The following TENM2 variants were observed in gnomAD, a reference collection of about 807,000 sequenced individuals.
TENM2 encodes teneurin transmembrane protein 2.
In TENM2, 52 loss-of-function variants were observed where a neutral mutation model predicts 245.2. The observed-to-expected ratio is 0.21, with a 90% CI of 0.17 to 0.27. The LOEUF (loss-of-function observed/expected upper bound fraction) is 0.27. Among genes scored for constraint, TENM2 ranks in the 10% least tolerant of loss-of-function variants. The pLI is 1.00. For synonymous variants in TENM2, 1,363 were observed against 1,438.9 expected, an observed-to-expected ratio of 0.95 and a Z score of 1.19; for missense variants, 3,046 against 3,666.8, an observed-to-expected ratio of 0.83 and a Z score of 4.37.
chr5:167,084,355 A>ATATATATATATATATG, the TENM2 span, among the ~76,000 whole-genome samples: 949 of 109,318 alleles, frequency 8.7e-3, 49 homozygotes, highest in African/African-American at 0.031. Context: ...ATATATATAT[A>ATATATATATATATATG]TATATATATA....
chr5:167,401,020 G>A (rs992647931), intron 2 of TENM2, among the ~76,000 whole-genome samples: 5 of 152,028 alleles, frequency 3.3e-5, no homozygotes, highest in Non-Finnish European at 5.9e-5. Context: ...GAGCCCAGGA[G>A]GTTGAGGCTG....
chr5:167,646,200 C>CATATATATATATATATATAT (rs61476810), intron 2 of TENM2, among the ~76,000 whole-genome samples: 15 of 63,414 alleles, frequency 2.4e-4, no homozygotes, highest in Non-Finnish European at 3.1e-4. Flanking sequence ...ATGTTGTTTT[C>CATATATATATATATATATAT]ATATATATAT....
At chr5:167,666,380 A>C (rs1025311738) in intron 2 of TENM2, among the ~76,000 whole-genome samples, 1 of 152,202 alleles carries the variant, frequency 6.6e-6, no homozygotes, top group African/African-American at 2.4e-5. Context: ...AAAATTGGGA[A>C]TAGTTTTTCA....
At chr5:167,294,487 G>C (rs1055103238) in intron 1 of TENM2, among the ~76,000 whole-genome samples, 1 of 152,132 alleles carries the variant, frequency 6.6e-6, no homozygotes, top group Non-Finnish European at 1.5e-5. Flanking sequence ...AGAAAATCCT[G>C]TGAAACAAGT....
intron 2 of TENM2, among the ~76,000 whole-genome samples, chr5:167,714,808 T>TG (rs1180324321): frequency 1.3e-5 from 2 of 152,152 alleles, no homozygotes; most frequent in Non-Finnish European, 1.5e-5. Flanking sequence ...TCATTACCAC[T>TG]GGGGCTATCT....
rs546480463 is a variant in TENM2 at position 167,919,957 on chromosome 5, G to A, written c.713-32631G>A. ...ACATTCTTTTTTTTGGACGAGAAAA[G>A]GCAAGTGTGGTAGAAGTAAGAGGAC... On this transcript the variant is annotated intron_variant, in intron 3 of 28. Transcript: ENST00000518659. Among the ~76,000 whole-genome samples the A allele has an allele frequency of 2.4e-4, 37 of 152,262 alleles. 1 individual carries two copies. In the South Asian group the frequency reaches 7.0e-3, roughly 29 times the overall value.
chr5:167,366,136 T>G (rs1760039664), intron 1 of TENM2, among the ~76,000 whole-genome samples: 1 of 151,948 alleles, frequency 6.6e-6, no homozygotes, highest in Admixed American at 6.6e-5. Context: ...ACCAATTCAG[T>G]TAAGAAAAAG....
At chr5:167,892,989 C>A (rs1044571684) in intron 3 of TENM2, among the ~76,000 whole-genome samples, 4 of 152,162 alleles carry the variant, frequency 2.6e-5, no homozygotes, top group Non-Finnish European at 5.9e-5. Flanking sequence ...GAACTCAGAA[C>A]CTTTGTCCTG....
At chr5:167,752,647 A>C (rs1582914804) in intron 2 of TENM2, among the ~76,000 whole-genome samples, 1 of 152,320 alleles carries the variant, frequency 6.6e-6, no homozygotes, top group African/African-American at 2.4e-5. Context: ...GTTGGGAGTC[A>C]TTGGGAATAT....
At chr5:167,952,155 TAG>T (rs1780164570) in intron 3 of TENM2, among the ~76,000 whole-genome samples, 1 of 152,122 alleles carries the variant, frequency 6.6e-6, no homozygotes, top group Non-Finnish European at 1.5e-5. Flanking sequence ...TTCCCTGACT[TAG>T]AGTGTTCCAT....
At chr5:168,126,204 G>A (rs930460250) in intron 11 of TENM2, among the ~76,000 whole-genome samples, 2 of 152,210 alleles carry the variant, frequency 1.3e-5, no homozygotes, top group Admixed American at 6.5e-5. Flanking sequence ...GGTATCTGCA[G>A]TCATCATGGG....
intron 2 of TENM2, among the ~76,000 whole-genome samples, chr5:167,555,096 CACACACATGCAT>C (rs1773184711): frequency 6.6e-6 from 1 of 152,188 alleles, no homozygotes; most frequent in African/African-American, 2.4e-5. Context: ...TGCACGCACA[CACACACATGCAT>C]ACACACATGC....
chr5:167,101,849 T>TTATATTTTTATATATATATATA, the TENM2 span, among the ~76,000 whole-genome samples: 3 of 69,438 alleles, frequency 4.3e-5, no homozygotes, highest in East Asian at 1.3e-3. Context: ...ATATATATAT[T>TTATATTTTTATATATATATATA]TATATATATA....
chr5:167,360,521 G>C (rs1467548974), intron 1 of TENM2, among the ~76,000 whole-genome samples: 1 of 152,120 alleles, frequency 6.6e-6, no homozygotes, highest in Non-Finnish European at 1.5e-5. Context: ...ATGGTAGGCT[G>C]TCTTTCTGCT....
At chr5:167,878,803 C>T (rs1469981690) in intron 3 of TENM2, among the ~76,000 whole-genome samples, 1 of 152,128 alleles carries the variant, frequency 6.6e-6, no homozygotes, top group Non-Finnish European at 1.5e-5. Context: ...GGTGTCACAG[C>T]ACAAACAAAG....
chr5:167,600,185 T>G (rs1372382259), intron 2 of TENM2, among the ~76,000 whole-genome samples: 2 of 151,974 alleles, frequency 1.3e-5, no homozygotes, highest in Non-Finnish European at 2.9e-5. Flanking sequence ...TGATAACTTT[T>G]TCCTTATATG....
intron 2 of TENM2, among the ~76,000 whole-genome samples, chr5:167,848,481 C>A (rs972350583): frequency 6.6e-6 from 1 of 152,108 alleles, no homozygotes; most frequent in Admixed American, 6.5e-5. Context: ...ATGTATATAT[C>A]TTCATATATA....
chr5:167,910,795 G>C (rs1776483956), intron 3 of TENM2, among the ~76,000 whole-genome samples: 1 of 152,156 alleles, frequency 6.6e-6, no homozygotes, highest in Non-Finnish European at 1.5e-5. Context: ...TCTTGAAGGA[G>C]TTATATTTAT....
intron 12 of TENM2, among the ~76,000 whole-genome samples, chr5:168,158,855 A>ACACACC (rs1757476770): frequency 7.7e-6 from 1 of 130,464 alleles, no homozygotes; most frequent in Non-Finnish European, 1.7e-5. Flanking sequence ...ATATATACAC[A>ACACACC]CACACACACA....
Sources: gnomAD v4.1 joint callset for allele counts (sites outside exome capture counted in the v4.1 genomes callset) on GRCh38, gnomAD v4.1.1 for gene constraint, MANE v1.5 for transcripts, NCBI Gene and HGNC (gene_info 2026-07-23, HGNC 2026-07-21) for gene names.